VIT: variants seen among roughly 807,000 people sequenced by gnomAD.
VIT encodes the protein vitrin.
VIT carries 99 observed loss-of-function variants against 78.0 expected under a neutral mutation model. The observed-to-expected ratio is 1.27, with a 90% CI of 1.08 to 1.50. VIT has a LOEUF of 1.50. Ranked by LOEUF, VIT falls within the 40% of genes most tolerant of loss-of-function variation. VIT has a pLI of 0.00. For synonymous variants in VIT, 374 were observed against 334.3 expected (o/e 1.12, Z -1.29); for missense variants, 1,126 against 875.3 (o/e 1.29, Z -3.61).
At chr2:36,758,658 G>T (rs1046027130) in intron 5 of VIT, among the ~76,000 whole-genome samples, 1 of 152,138 alleles carries the variant, frequency 6.6e-6, no homozygotes, top group African/African-American at 2.4e-5. Context: ...TTAAACATTC[G>T]AAGCCACACA....
At chr2:36,737,278 G>A (rs928718330) in intron 3 of VIT, among the ~76,000 whole-genome samples, 1 of 152,180 alleles carries the variant, frequency 6.6e-6, no homozygotes, top group Admixed American at 6.5e-5. Context: ...GCAAGGTTGG[G>A]TTTAAGCACT....
At chr2:36,741,415 T>C (rs780327735) in intron 3 of VIT, among the ~76,000 whole-genome samples, 6 of 152,164 alleles carry the variant, frequency 3.9e-5, no homozygotes, top group Non-Finnish European at 5.9e-5. Flanking sequence ...AAGCCTGTGA[T>C]CAAACTCAAC....
chr2:36,731,901 A>C (rs1667234803), intron 3 of VIT, among the ~76,000 whole-genome samples: 1 of 152,190 alleles, frequency 6.6e-6, no homozygotes, highest in Non-Finnish European at 1.5e-5. Flanking sequence ...TAAAAGAAAG[A>C]TTTGCTTCAC....
chr2:36,735,913 G>GA (rs1415957449), intron 3 of VIT, among the ~76,000 whole-genome samples: 6 of 152,200 alleles, frequency 3.9e-5, no homozygotes, highest in Non-Finnish European at 8.8e-5. Context: ...GGGAAAACAT[G>GA]AGCCTGTCTA....
At chr2:36,798,198 A>C (rs1432289319) in intron 12 of VIT, among the ~76,000 whole-genome samples, 1 of 152,204 alleles carries the variant, frequency 6.6e-6, no homozygotes, top group Non-Finnish European at 1.5e-5. Context: ...ATGATTTCCA[A>C]GCAGGGGAAT....
chr2:36,761,283 T>C (rs28537077), intron 6 of VIT, among the ~76,000 whole-genome samples: 7,963 of 152,212 alleles, frequency 0.052, 676 homozygotes, highest in African/African-American at 0.18. Flanking sequence ...ATCTTCTGAC[T>C]GTGAACTCAG....
intron 6 of VIT, among the ~76,000 whole-genome samples, chr2:36,761,053 CCAT>C (rs1412320096): frequency 6.6e-6 from 1 of 152,174 alleles, no homozygotes; most frequent in African/African-American, 2.4e-5. Flanking sequence ...CCTATTTTTA[CCAT>C]GAGTGGAAGA....
chr2:36,783,820 C>T (rs1056333757), intron 11 of VIT, among the ~76,000 whole-genome samples: 1 of 151,952 alleles, frequency 6.6e-6, no homozygotes, highest in Non-Finnish European at 1.5e-5. Context: ...GGTGGAGGTT[C>T]GAGAGAGGGA....
At chr2:36,785,739 C>T (rs928245380) in intron 11 of VIT, among the ~76,000 whole-genome samples, 1 of 152,204 alleles carries the variant, frequency 6.6e-6, no homozygotes, top group African/African-American at 2.4e-5. Context: ...TGAAGTCAGC[C>T]AGTGCCAGAC....
intron 1 of VIT, among the ~76,000 whole-genome samples, chr2:36,706,251 CAT>C (rs1350852258): frequency 2.0e-5 from 3 of 152,194 alleles, no homozygotes; most frequent in African/African-American, 4.8e-5. Flanking sequence ...AAGACAAGCA[CAT>C]GTGTCCTTTT....
intron 11 of VIT, among the ~76,000 whole-genome samples, chr2:36,785,362 C>A (rs1411891307): frequency 6.6e-6 from 1 of 152,144 alleles, no homozygotes; most frequent in Non-Finnish European, 1.5e-5. Flanking sequence ...AAGAACTCCA[C>A]TGCCACCTGC....
chr2:36,718,393 G>C (rs1666295901), intron 2 of VIT, among the ~76,000 whole-genome samples: 1 of 152,130 alleles, frequency 6.6e-6, no homozygotes, highest in South Asian at 2.1e-4. Flanking sequence ...ATGGGTTCTA[G>C]TCCTGACTCC....
chr2:36,737,332 C>G (rs1012369141), intron 3 of VIT, among the ~76,000 whole-genome samples: 1 of 152,172 alleles, frequency 6.6e-6, no homozygotes, highest in African/African-American at 2.4e-5. Flanking sequence ...TAGGACCCAC[C>G]AGGCAACACC....
At chr2:36,774,645 C>T (rs995683375) in intron 8 of VIT, 30 of 985,414 alleles carry the variant, frequency 3.0e-5, no homozygotes, top group Middle Eastern at 1.0e-3. Context: ...CTGGTCAGGG[C>T]GAGCAGCTTC....
Position 36,808,586 on chromosome 2 carries a change from A to T in VIT, c.1504A>T (p.Ser502Cys), listed in dbSNP as rs1367126968. The change falls in exon 15 of 16, where the codon AGC becomes TGC. Residue 502 changes from serine (S) to cysteine (C), a missense_variant. Physicochemically the swap from Ser to Cys is moderately radical, Grantham distance 112. Transcript: ENST00000379242. ...RVCDTDRLAC[S>C]KTCLNSADIG... is the part of the protein sequence containing the mutation. ...CTGCGACACTGACCGCCTGGCCTGC[A>T]GCAAGACCTGCTTGAACTCGGCTGA... The T allele has an allele frequency of 7.4e-6, 12 of 1,614,202 alleles. No homozygotes were observed. Among genetic ancestry groups the T allele is most frequent in the Non-Finnish European group, 9.3e-6 (11 of 1,180,040 alleles).
At chr2:36,801,615 C>A (rs1469740848) in intron 13 of VIT, among the ~76,000 whole-genome samples, 1 of 152,058 alleles carries the variant, frequency 6.6e-6, no homozygotes, top group Non-Finnish European at 1.5e-5. Context: ...CAAGATCAGC[C>A]TGGCCAGCAT....
At chr2:36,743,016 G>T in intron 3 of VIT, 84 bp from the exon 4 acceptor site, 1 of 1,552,184 alleles carries the variant, frequency 6.4e-7, no homozygotes, top group Non-Finnish European at 8.8e-7. Flanking sequence ...TAGAGATTAA[G>T]TCAATAGTTG....
Position 36,767,274 on chromosome 2 carries a change from G to A in VIT, c.668G>A (p.Ser223Asn), listed in dbSNP as rs767997631. Residue 223 changes from serine (S) to asparagine (N), a missense_variant, in exon 7 of 16, where the codon AGC (serine) becomes AAC (asparagine). Ser to Asn is a conservative substitution (Grantham distance 46). Coordinates refer to ENST00000379242, the MANE Select transcript of VIT (RefSeq NM_053276.4). ...AGACCACAATCAGTGGGCCACAGGA[G>A]CCAGGAGATGGGTCAGTAGGTAGAC... ...IPRPQSVGHR[S>N]QEMDLWSTAT... The A allele has an allele frequency of 2.5e-6, 4 of 1,569,758 alleles. No individual in the cohort carries two copies. In the East Asian group the frequency reaches 6.9e-5, roughly 27 times the overall value.
chr2:36,743,529 C>T (rs1667962838), intron 4 of VIT, among the ~76,000 whole-genome samples: 1 of 152,014 alleles, frequency 6.6e-6, no homozygotes. Context: ...TATCTTTGCT[C>T]CTCTATACAT....
Sources: gnomAD v4.1 joint callset for allele counts (sites outside exome capture counted in the v4.1 genomes callset) on GRCh38, gnomAD v4.1.1 for gene constraint, MANE v1.5 for transcripts, NCBI Gene and HGNC (gene_info 2026-07-23, HGNC 2026-07-21) for gene names.